SLC3A2: variants seen among roughly 807,000 people sequenced by gnomAD.
SLC3A2 encodes amino acid transporter heavy chain SLC3A2.
In SLC3A2, 32 loss-of-function variants were observed where a neutral mutation model predicts 48.5. That is an observed-to-expected ratio of 0.66 (90% CI 0.50 to 0.89). The LOEUF is 0.89. SLC3A2 is among the 40% of genes least tolerant of loss of function. SLC3A2 has a pLI of 0.00. For synonymous variants in SLC3A2, 277 were observed against 288.8 expected, an observed-to-expected ratio of 0.96 and a Z score of 0.41; for missense variants, 587 against 680.7, an observed-to-expected ratio of 0.86 and a Z score of 1.53.
chr11:62,888,441 G>T lies in SLC3A2; in HGVS notation c.1338G>T (p.Gly446=), dbSNP rs538525884. Residue 446 remains glycine (G), a synonymous_variant, in exon 9 of 9, where the codon GGG becomes GGT. Transcript: ENST00000338663. Reference sequence around the variant, plus strand: ...GGGACTTCCACGCGTTCTCCGCTGGGCCTGGACTCTTCTCCTATATCCGCC... The same window carrying T: ...GGGACTTCCACGCGTTCTCCGCTGGTCCTGGACTCTTCTCCTATATCCGCC... ...LHGDFHAFSA[G]PGLFSYIRHW... is the part of the protein sequence containing the mutation. 6.2e-7 allele frequency: 1 copy of T among 1,614,224 alleles called. No homozygotes were observed. Among genetic ancestry groups the T allele is most frequent in the Non-Finnish European group, 8.5e-7 (1 of 1,180,036 alleles).
chr11:62,885,786 TC>T (rs1251015736), intron 7 of SLC3A2, among the ~76,000 whole-genome samples, 178 bp downstream of exon 7: 1 of 152,208 alleles, frequency 6.6e-6, no homozygotes, highest in Non-Finnish European at 1.5e-5. Flanking sequence ...ATTTTGGTCA[TC>T]CCTTGTGTTA....
chr11:62,888,758 TTC>T lies in SLC3A2; in HGVS notation c.*69_*70del. 7 of 1,431,334 alleles carry T rather than the reference TTC, an allele frequency of 4.9e-6. No homozygotes were observed. Among genetic ancestry groups the T allele is most frequent in the Middle Eastern group, 2.2e-4 (1 of 4,598 alleles). The allele number at this position is 1,431,334 out of a possible 1,614,324, so 88.7% of individuals were successfully genotyped here. A position where few individuals can be genotyped will look rare whatever the true frequency, so the allele number is the denominator to read the frequency against. ...TCCCAGGCCCTTTGGCTTCTGATTT[TTC>T]TCTTTTTTAAAAACAAACAAACAAA... is the stretch of plus-strand genomic sequence containing the variant. On this transcript the variant is annotated 3_prime_UTR_variant, in exon 9 of 9. Transcript: ENST00000338663.
chr11:62,888,795 A>G lies in SLC3A2; in HGVS notation c.*102A>G. On this transcript the variant is annotated 3_prime_UTR_variant, in exon 9 of 9. Coordinates refer to ENST00000338663, the MANE Select transcript of SLC3A2 (RefSeq NM_001013251.3). ...AAAACAAACAAACAAACTGTTGCAGATTATGAGTGAACCCCCAAATAGGGT... is the reference window on the plus strand; with the variant it reads ...AAAACAAACAAACAAACTGTTGCAGGTTATGAGTGAACCCCCAAATAGGGT... 1 of 1,163,864 alleles carries G rather than the reference A, an allele frequency of 8.6e-7. No homozygotes were observed. Among genetic ancestry groups the G allele is most frequent in the Non-Finnish European group, 1.2e-6 (1 of 836,926 alleles). 72.1% of individuals were successfully genotyped at this position (1,163,864 alleles called of 1,614,324 possible).
In SLC3A2 at chr11:62,888,670, C is replaced by A. The variant is rs772026817; in HGVS notation, c.1567C>A (p.Leu523Ile). ...LKLEPHEGLL[L>I]RFPYAA ...ACTGGAGCCTCACGAAGGGCTGCTG[C>A]TCCGCTTCCCCTACGCGGCCTGACT... Residue 523 changes from leucine to isoleucine, a missense_variant, in exon 9 of 9, where the codon CTC becomes ATC. Transcript: ENST00000338663. 6.3e-7 allele frequency: 1 copy of A among 1,599,126 alleles called. No individual in the cohort carries two copies.
intron 3 of SLC3A2, chr11:62,884,060 CTG>C (rs1565255043): frequency 1.3e-5 from 6 of 461,544 alleles, no homozygotes; most frequent in South Asian, 7.7e-5. Flanking sequence ...CTGATTATGA[CTG>C]TGGACGCGTC....
chr11:62,884,813 C>CTTTTTTTTTTTTTTTTTTTTT lies in SLC3A2; in HGVS notation c.818+138_818+158dup, dbSNP rs541507991. ...TTCTTTACCTTTATTCTTTCTTTAGCTTTTTTTTTTTTTTTTTTTTTTTTT... is the reference window on the plus strand; with the variant it reads ...TTCTTTACCTTTATTCTTTCTTTAGCTTTTTTTTTTTTTTTTTTTTTTTTTTTTTTTTTTTTTTTTTTTTTT... On this transcript the variant is annotated intron_variant, in intron 5 of 8. Coordinates refer to ENST00000338663, the MANE Select transcript of SLC3A2 (RefSeq NM_001013251.3). 2.3e-4 allele frequency: 13 copies of CTTTTTTTTTTTTTTTTTTTTT among 56,012 alleles called. 1 individual carries two copies. The highest frequency in any genetic ancestry group is 6.2e-4 in the Admixed American group (2 of 3,252). The allele number at this position is 56,012 out of a possible 1,614,324, so 3.5% of individuals were successfully genotyped here. A position where few individuals can be genotyped will look rare whatever the true frequency, so the allele number is the denominator to read the frequency against.
chr11:62,881,432 G>T lies in SLC3A2; in HGVS notation c.409G>T (p.Ala137Ser), dbSNP rs1453133479. Reference sequence around the variant, plus strand: ...CCTTCAGGCCTTCCAGGGCCACGGCGCGGGCAACCTGGCGGGTGAGTGCAG... The same window carrying T: ...CCTTCAGGCCTTCCAGGGCCACGGCTCGGGCAACCTGGCGGGTGAGTGCAG... ...GDLQAFQGHG[A>S]GNLAGLKGRL... The change falls in exon 1 of 9, where the codon GCG (alanine) becomes TCG (serine). Residue 137 changes from alanine to serine, a missense_variant. Coordinates refer to ENST00000338663, the MANE Select transcript of SLC3A2 (RefSeq NM_001013251.3). The surrounding 1 kb of genome is among the most constrained non-coding windows in gnomAD (Gnocchi z 4.0). 3 of 1,586,642 alleles carry T rather than the reference G, an allele frequency of 1.9e-6. No individual in the cohort carries two copies. Among genetic ancestry groups the T allele is most frequent in the Non-Finnish European group, 1.7e-6 (2 of 1,174,012 alleles).
intron 1 of SLC3A2, among the ~76,000 whole-genome samples, chr11:62,857,200 C>T (rs956319160): frequency 6.6e-6 from 1 of 151,802 alleles, no homozygotes; most frequent in Non-Finnish European, 1.5e-5. Context: ...CTGTTCACTG[C>T]AACCTCCGCT....
intron 1 of SLC3A2, chr11:62,870,877 ATT>A (rs1323691657): frequency 7.2e-4 from 134 of 185,314 alleles, no homozygotes; most frequent in African/African-American, 3.5e-3. Flanking sequence ...TATTATTATT[ATT>A]ATTATTATTA....
chr11:62,867,569 C>T (rs1478026167), intron 1 of SLC3A2, among the ~76,000 whole-genome samples: 1 of 151,772 alleles, frequency 6.6e-6, no homozygotes, highest in African/African-American at 2.4e-5. Flanking sequence ...TTTGATCTGC[C>T]TATCTCTGCC....
exon 1 of SLC3A2, chr11:62,856,173 C>G (rs2085316145): frequency 1.1e-6 from 1 of 947,948 alleles, no homozygotes; most frequent in South Asian, 1.8e-5. Flanking sequence ...TGCCTCACGG[C>G]GATCCTGGAC....
In SLC3A2 at chr11:62,885,446, G is replaced by A; in HGVS notation, c.1000-19G>A. 1 of 1,614,164 alleles carries A rather than the reference G, an allele frequency of 6.2e-7. No individual in the cohort carries two copies. Among genetic ancestry groups the A allele is most frequent in the South Asian group, 1.1e-5 (1 of 91,084 alleles). ...GCAGAGGTGGGTTATGGGGCTCACT[G>A]GAGTGTCTCTCCCTGTAGTTGTCTC... On this transcript the variant is annotated intron_variant, in intron 6 of 8. Coordinates refer to ENST00000338663, the MANE Select transcript of SLC3A2 (RefSeq NM_001013251.3).
intron 1 of SLC3A2, among the ~76,000 whole-genome samples, chr11:62,868,638 T>C (rs1182786787): frequency 6.6e-6 from 1 of 152,138 alleles, no homozygotes; most frequent in Non-Finnish European, 1.5e-5. Context: ...GTGCTGGGAT[T>C]ACAGGCGTGA....
intron 3 of SLC3A2, chr11:62,884,250 A>G (rs1455329462): frequency 3.3e-6 from 2 of 613,334 alleles, no homozygotes; most frequent in Non-Finnish European, 5.8e-6. Context: ...AAAATGCTGT[A>G]GCACTAAGAA....
At chr11:62,859,891 G>C (rs1353716101) in intron 1 of SLC3A2, among the ~76,000 whole-genome samples, 1 of 152,130 alleles carries the variant, frequency 6.6e-6, no homozygotes, top group Non-Finnish European at 1.5e-5. Flanking sequence ...GGTGGGACGA[G>C]AGACTGAGAA....
upstream of SLC3A2, among the ~76,000 whole-genome samples, chr11:62,878,947 A>G (rs941684109): frequency 1.3e-5 from 2 of 149,754 alleles, no homozygotes; most frequent in East Asian, 4.0e-4. Flanking sequence ...TAATTTTTGT[A>G]TTTTTAGTAG....
chr11:62,872,225 T>TA (rs1397666173), intron 1 of SLC3A2, among the ~76,000 whole-genome samples: 1 of 152,134 alleles, frequency 6.6e-6, no homozygotes, highest in African/African-American at 2.4e-5. Context: ...TCTGCTTTTT[T>TA]AAAAAAAGAA....
chr11:62,874,317 A>C (rs985115684), intron 1 of SLC3A2, among the ~76,000 whole-genome samples: 3 of 152,124 alleles, frequency 2.0e-5, no homozygotes, highest in Admixed American at 1.3e-4. Flanking sequence ...TCCAAGGATA[A>C]TATGTTAAAA....
At chr11:62,871,489 C>T in intron 1 of SLC3A2, 1 of 452,304 alleles carries the variant, frequency 2.2e-6, no homozygotes, top group Non-Finnish European at 3.9e-6. Flanking sequence ...ATCCGCCCGT[C>T]TCGGCCTCCC....
Sources: gnomAD v4.1 joint callset for allele counts (sites outside exome capture counted in the v4.1 genomes callset) on GRCh38, gnomAD v4.1.1 for gene constraint, Gnocchi (gnomAD v3.1) non-coding constraint, MANE v1.5 for transcripts, NCBI Gene and HGNC (gene_info 2026-07-23, HGNC 2026-07-21) for gene names.